MITF: variants seen among roughly 807,000 people sequenced by gnomAD.
MITF encodes the protein microphthalmia-associated transcription factor.
A neutral mutation model predicts 60.5 loss-of-function variants in MITF; 17 were observed. The ratio of observed to expected loss-of-function variants is 0.28; its 90% CI spans 0.19 to 0.42. The LOEUF (loss-of-function observed/expected upper bound fraction) is 0.42. Ranked by LOEUF, MITF falls within the 10% of genes least tolerant of loss-of-function variation. The probability of loss-of-function intolerance (pLI) is 1.00; values close to 1 mark genes in which losing one functional copy is unlikely to be tolerated. For missense variants in MITF, 622 were observed against 683.5 expected, an observed-to-expected ratio of 0.91 and a Z score of 1.00; for synonymous variants, 260 against 248.5, an observed-to-expected ratio of 1.05 and a Z score of -0.43.
chr3:69,853,408 C>T (rs1475480712), intron 1 of MITF, among the ~76,000 whole-genome samples: 1 of 152,028 alleles, frequency 6.6e-6, no homozygotes, highest in Non-Finnish European at 1.5e-5. Flanking sequence ...TCTTTACTTC[C>T]CTATATGGCT....
intron 3 of MITF, chr3:69,938,261 C>T (rs1436848571): frequency 1.6e-6 from 2 of 1,235,322 alleles, no homozygotes; most frequent in South Asian, 2.6e-5. Flanking sequence ...GAGACCTGGC[C>T]CTCTCCAAGT....
chr3:69,821,622 A>T (rs993556651), intron 1 of MITF, among the ~76,000 whole-genome samples: 2 of 151,246 alleles, frequency 1.3e-5, no homozygotes, highest in Non-Finnish European at 2.9e-5. Flanking sequence ...AAAAACTCAT[A>T]AGTAGATAAC....
chr3:69,885,564 T>C (rs2064593805), intron 2 of MITF, among the ~76,000 whole-genome samples: 1 of 151,916 alleles, frequency 6.6e-6, no homozygotes, highest in African/African-American at 2.4e-5. Context: ...CAAAAATGGA[T>C]TGTTGGAGGG....
At chr3:69,838,531 G>T (rs568139185) in intron 1 of MITF, 1 of 152,616 alleles carries the variant, frequency 6.6e-6, no homozygotes, top group African/African-American at 2.4e-5. Context: ...AGGTGGATGG[G>T]AGGATTAAAC....
intron 2 of MITF, among the ~76,000 whole-genome samples, chr3:69,881,312 A>C (rs1461156045): frequency 1.3e-5 from 2 of 152,058 alleles, no homozygotes; most frequent in African/African-American, 2.4e-5. Context: ...TGTCTATTTA[A>C]CTTCTGCTTT....
chr3:69,929,292 G>A (rs2065662717), intron 2 of MITF, among the ~76,000 whole-genome samples: 1 of 152,184 alleles, frequency 6.6e-6, no homozygotes, highest in Admixed American at 6.5e-5. Flanking sequence ...AGCAGAGGAG[G>A]GAGAATCAGG....
intron 2 of MITF, among the ~76,000 whole-genome samples, chr3:69,903,044 G>C (rs922617638): frequency 3.3e-5 from 5 of 152,046 alleles, no homozygotes; most frequent in Non-Finnish European, 5.9e-5. Flanking sequence ...AGTCTTCAAA[G>C]AGTTTGAGAA....
chr3:69,847,000 C>T (rs969804125), intron 1 of MITF, among the ~76,000 whole-genome samples: 4 of 152,008 alleles, frequency 2.6e-5, no homozygotes, highest in African/African-American at 9.7e-5. Flanking sequence ...ACACATCAAA[C>T]TGGGGATTAT....
intron 2 of MITF, among the ~76,000 whole-genome samples, chr3:69,889,258 G>C (rs1444117147): frequency 6.6e-6 from 1 of 151,656 alleles, no homozygotes; most frequent in Non-Finnish European, 1.5e-5. Flanking sequence ...CAGGGTCCCT[G>C]TTGAAAATCT....
chr3:69,800,147 C>G lies in MITF; in HGVS notation c.104+60446C>G, dbSNP rs546044467. 2.6e-5 allele frequency among the ~76,000 whole-genome samples: 4 copies of G among 152,280 alleles called. No homozygotes were observed. The East Asian group carries it at 5.8e-4, about 22-fold the overall frequency. ...CTCCTATCCCATGGCAACCATTAAT[C>G]TACTTTGTCTTCATGGATTTGCCTA... is the stretch of plus-strand genomic sequence containing the variant. On this transcript the variant is annotated intron_variant, in intron 1 of 9. Coordinates refer to ENST00000352241, the MANE Select transcript of MITF (RefSeq NM_001354604.2).
intron 1 of MITF, chr3:69,763,474 T>C (rs2062241088): frequency 1.9e-6 from 2 of 1,052,804 alleles, no homozygotes; most frequent in Non-Finnish European, 2.3e-6. Context: ...TTCCCTGTCA[T>C]TTTAAGTAGG....
At chr3:69,853,418 T>C (rs771086386) in intron 1 of MITF, among the ~76,000 whole-genome samples, 1 of 152,150 alleles carries the variant, frequency 6.6e-6, no homozygotes, top group Non-Finnish European at 1.5e-5. Flanking sequence ...CCTATATGGC[T>C]TATTTTTTAA....
chr3:69,903,641 TA>T (rs111783936), intron 2 of MITF, among the ~76,000 whole-genome samples: 5 of 151,742 alleles, frequency 3.3e-5, no homozygotes, highest in Admixed American at 1.3e-4. Flanking sequence ...TTGGCCTTTT[TA>T]AAAAAAAATA....
chr3:69,778,504 T>C (rs2062511725), intron 1 of MITF, among the ~76,000 whole-genome samples: 1 of 152,186 alleles, frequency 6.6e-6, no homozygotes. Context: ...AGTGGCTCCA[T>C]GATGTCAGAA....
At chr3:69,751,727 GGGCAAGTTATTC>G (rs1407140353) in intron 1 of MITF, among the ~76,000 whole-genome samples, 2 of 151,942 alleles carry the variant, frequency 1.3e-5, no homozygotes, top group East Asian at 3.9e-4. Context: ...ATGTGTCTTT[GGGCAAGTTATTC>G]TTGTGGCCTC....
At chr3:69,741,001 T>G (rs937144104) in intron 1 of MITF, among the ~76,000 whole-genome samples, 4 of 152,226 alleles carry the variant, frequency 2.6e-5, no homozygotes, top group Non-Finnish European at 4.4e-5. Flanking sequence ...CAGGACTCTT[T>G]ATCCAAGTTG....
Position 69,932,967 on chromosome 3 carries a change from A to G in MITF, c.355-4855A>G, listed in dbSNP as rs2065755666. On this transcript the variant is annotated intron_variant, in intron 2 of 9. Transcript: ENST00000352241. Reference sequence around the variant, plus strand: ...CTTTAAACTTGCTGAGCAAAAGAACAAATTATCTCTCTAAACATAAGTGAT... The same window carrying G: ...CTTTAAACTTGCTGAGCAAAAGAACGAATTATCTCTCTAAACATAAGTGAT... 2.0e-5 allele frequency among the ~76,000 whole-genome samples: 3 copies of G among 152,154 alleles called. No homozygotes were observed. In the South Asian group the frequency reaches 6.2e-4, roughly 31 times the overall value.
intron 1 of MITF, among the ~76,000 whole-genome samples, chr3:69,748,032 C>A (rs1224731648): frequency 6.6e-6 from 1 of 152,086 alleles, no homozygotes; most frequent in Non-Finnish European, 1.5e-5. Context: ...ATCATGCTTC[C>A]TGTCCACTCT....
At chr3:69,901,493 C>A (rs1331940351) in intron 2 of MITF, among the ~76,000 whole-genome samples, 1 of 152,068 alleles carries the variant, frequency 6.6e-6, no homozygotes, top group Non-Finnish European at 1.5e-5. Flanking sequence ...TCTCCTATCC[C>A]TCCCCCAATC....
Sources: gnomAD v4.1 joint callset for allele counts (sites outside exome capture counted in the v4.1 genomes callset) on GRCh38, gnomAD v4.1.1 for gene constraint, MANE v1.5 for transcripts, NCBI Gene and HGNC (gene_info 2026-07-23, HGNC 2026-07-21) for gene names.